TSPAN18: variants seen among roughly 807,000 people sequenced by gnomAD.
TSPAN18 encodes tetraspanin-18.
Under a neutral mutation model 27.3 loss-of-function variants are expected in TSPAN18, and 14 were observed. That is an observed-to-expected ratio of 0.51 (90% CI 0.34 to 0.80). The LOEUF is 0.80. Ranked by LOEUF, TSPAN18 falls within the 30% of genes least tolerant of loss-of-function variation. The pLI, the probability that TSPAN18 is intolerant of heterozygous loss-of-function variation, is 0.01. For synonymous variants in TSPAN18, 143 were observed against 136.5 expected, an observed-to-expected ratio of 1.05 and a Z score of -0.33; for missense variants, 268 against 323.9, an observed-to-expected ratio of 0.83 and a Z score of 1.32.
intron 2 of TSPAN18, among the ~76,000 whole-genome samples, chr11:44,790,407 G>A (rs576543660): frequency 6.9e-6 from 1 of 144,756 alleles, no homozygotes; most frequent in Non-Finnish European, 1.5e-5. Context: ...TTGCTTGTAC[G>A]TGTGTGCATG....
intron 3 of TSPAN18, among the ~76,000 whole-genome samples, chr11:44,902,786 G>T (rs968635875): frequency 3.9e-5 from 6 of 152,212 alleles, no homozygotes; most frequent in Non-Finnish European, 5.9e-5. Context: ...AGCAAGCGGG[G>T]CATTAGGGGG....
At chr11:44,848,353 G>A (rs1857527283) in intron 2 of TSPAN18, among the ~76,000 whole-genome samples, 1 of 152,220 alleles carries the variant, frequency 6.6e-6, no homozygotes, top group Admixed American at 6.5e-5. Context: ...TGGAGCCAGG[G>A]AGGCTGGCTC....
intron 1 of TSPAN18, among the ~76,000 whole-genome samples, chr11:44,756,437 A>G (rs1855335472): frequency 6.6e-6 from 1 of 151,914 alleles, no homozygotes; most frequent in Admixed American, 6.6e-5. Flanking sequence ...CATCTCGGCC[A>G]TTTTTAAGTA....
At chr11:44,817,148 G>T (rs1294759742) in intron 2 of TSPAN18, among the ~76,000 whole-genome samples, 2 of 152,228 alleles carry the variant, frequency 1.3e-5, no homozygotes, top group Non-Finnish European at 2.9e-5. Flanking sequence ...TCAGCACACG[G>T]AAGAGGCAGC....
At chr11:44,811,528 C>T (rs151104321) in intron 2 of TSPAN18, among the ~76,000 whole-genome samples, 19,541 of 151,176 alleles carry the variant, frequency 0.13, 1,665 homozygotes, top group Non-Finnish European at 0.19. Flanking sequence ...GGCACAATCT[C>T]GGCTCACTGC....
intron 2 of TSPAN18, among the ~76,000 whole-genome samples, chr11:44,833,921 C>T (rs962156137): frequency 2.0e-5 from 3 of 151,772 alleles, no homozygotes; most frequent in Admixed American, 6.6e-5. Flanking sequence ...TTGTCCATAA[C>T]CTGCCTGCCC....
intron 3 of TSPAN18, among the ~76,000 whole-genome samples, chr11:44,878,618 G>A (rs1035835715): frequency 6.6e-6 from 1 of 152,024 alleles, no homozygotes; most frequent in Non-Finnish European, 1.5e-5. Context: ...AAAGTCTCAG[G>A]GTTCACCCTG....
At chr11:44,903,864 C>T (rs1564985336) in intron 3 of TSPAN18, 5 of 456,530 alleles carry the variant, frequency 1.1e-5, no homozygotes, top group Non-Finnish European at 2.2e-5. Context: ...CAAGTCACCT[C>T]GCCTCTGTCT....
chr11:44,766,340 C>T (rs1016338698), intron 2 of TSPAN18, among the ~76,000 whole-genome samples: 3 of 152,190 alleles, frequency 2.0e-5, no homozygotes, highest in Admixed American at 6.5e-5. Flanking sequence ...GCGTCTGTGT[C>T]CCACGGCTCA....
intron 1 of TSPAN18, among the ~76,000 whole-genome samples, chr11:44,748,683 G>T (rs1287955844): frequency 2.0e-5 from 3 of 152,166 alleles, no homozygotes; most frequent in Admixed American, 2.0e-4. Flanking sequence ...CAGTGTCATA[G>T]CACCGCACTT....
Position 44,740,556 on chromosome 11 carries a change from G to A in TSPAN18, c.-240+13269G>A, listed in dbSNP as rs150548245. 3.3e-4 allele frequency among the ~76,000 whole-genome samples: 51 copies of A among 152,292 alleles called. 1 individual carries two copies. The Middle Eastern group carries it at 0.01, about 30-fold the overall frequency. On this transcript the variant is annotated intron_variant, in intron 1 of 9. Transcript: ENST00000520358. ...TCTGCACCTAGAAGCTGATGGGGAC[G>A]TAGTGGCCGAGCTCAGAGGCTGTGG...
At chr11:44,754,610 T>C (rs553635495) in intron 1 of TSPAN18, among the ~76,000 whole-genome samples, 47 of 152,354 alleles carry the variant, frequency 3.1e-4, no homozygotes, top group African/African-American at 1.1e-3. Flanking sequence ...AGATCTCAGA[T>C]GTATCCTTGA....
At chr11:44,807,527 C>CAAAAAAAAAAA (rs59241339) in intron 2 of TSPAN18, among the ~76,000 whole-genome samples, 22 of 64,466 alleles carry the variant, frequency 3.4e-4, no homozygotes, top group East Asian at 1.9e-3. Flanking sequence ...AACTCCATCT[C>CAAAAAAAAAAA]AAAAAAAAAA....
chr11:44,749,180 G>T (rs1055507807), intron 1 of TSPAN18, among the ~76,000 whole-genome samples: 5 of 152,224 alleles, frequency 3.3e-5, no homozygotes, highest in African/African-American at 1.2e-4. Flanking sequence ...AAGATGAAAG[G>T]CTTGAGTTTT....
rs77894198 is a variant in TSPAN18 at position 44,797,738 on chromosome 11, G to A, written c.-153+33226G>A. On this transcript the variant is annotated intron_variant, in intron 2 of 9. Coordinates refer to ENST00000520358, the MANE Select transcript of TSPAN18 (RefSeq NM_130783.5). Reference sequence around the variant, plus strand: ...GGTTTGTCAAGAGCACATGTGAATGGGGGAGGGGAAGGAGCTCCTAAAGGC... The same window carrying A: ...GGTTTGTCAAGAGCACATGTGAATGAGGGAGGGGAAGGAGCTCCTAAAGGC... Among the ~76,000 whole-genome samples the A allele has an allele frequency of 7.2e-3, 1,103 of 152,288 alleles. 11 individuals are homozygous for A. Among genetic ancestry groups the A allele is most frequent in the African/African-American group, 0.025 (1,052 of 41,544 alleles).
chr11:44,785,429 C>T (rs984653408), intron 2 of TSPAN18, among the ~76,000 whole-genome samples: 1 of 152,160 alleles, frequency 6.6e-6, no homozygotes, highest in African/African-American at 2.4e-5. Flanking sequence ...CCGAATCCCA[C>T]CCCTGTAGCT....
intron 1 of TSPAN18, among the ~76,000 whole-genome samples, chr11:44,754,883 G>A (rs1002333894): frequency 4.6e-5 from 7 of 152,206 alleles, no homozygotes; most frequent in South Asian, 2.1e-4. Context: ...AATGCCCACC[G>A]ATGGCAAGAG....
chr11:44,854,744 T>C (rs1412951171), intron 2 of TSPAN18, among the ~76,000 whole-genome samples: 2 of 152,148 alleles, frequency 1.3e-5, no homozygotes, highest in Admixed American at 1.3e-4. Flanking sequence ...ACCTGGATCC[T>C]ACCGTTGCTG....
intron 8 of TSPAN18, 79 bp from the exon 9 acceptor site, chr11:44,926,595 A>T (rs1590706345): frequency 1.5e-6 from 2 of 1,302,348 alleles, no homozygotes; most frequent in South Asian, 2.4e-5. Flanking sequence ...CCTGCCATGA[A>T]CCCTAGTCCA....
Sources: gnomAD v4.1 joint callset for allele counts (sites outside exome capture counted in the v4.1 genomes callset) on GRCh38, gnomAD v4.1.1 for gene constraint, MANE v1.5 for transcripts, NCBI Gene and HGNC (gene_info 2026-07-23, HGNC 2026-07-21) for gene names.